Variants in COL26A1 observed in about 807,000 individuals in gnomAD.
COL26A1 encodes collagen alpha-1(XXVI) chain.
Under a neutral mutation model 59.3 loss-of-function variants are expected in COL26A1, and 41 were observed. The ratio of observed to expected loss-of-function variants is 0.69; its 90% CI spans 0.54 to 0.90. The LOEUF (loss-of-function observed/expected upper bound fraction) is 0.90. COL26A1 is among the 40% of genes least tolerant of loss of function. COL26A1 has a pLI of 0.00. For missense variants in COL26A1, 612 were observed against 602.3 expected (o/e 1.02, Z -0.17); for synonymous variants, 266 against 256.0 (o/e 1.04, Z -0.37).
chr7:101,402,572 TTTCC>T, intron 1 of COL26A1, among the ~76,000 whole-genome samples: 1 of 151,166 alleles, frequency 6.6e-6, no homozygotes, highest in African/African-American at 2.4e-5. Context: ...TCTTTCTTTC[TTTCC>T]TTCATTCTTT....
At chr7:101,501,638 G>A (rs1381631354) in intron 3 of COL26A1, among the ~76,000 whole-genome samples, 2 of 152,248 alleles carry the variant, frequency 1.3e-5, no homozygotes, top group East Asian at 1.9e-4. Flanking sequence ...TATCCTTTGC[G>A]CTGTGTCACA....
At chr7:101,456,758 C>T (rs1423763912) in intron 3 of COL26A1, among the ~76,000 whole-genome samples, 2 of 152,154 alleles carry the variant, frequency 1.3e-5, no homozygotes, top group East Asian at 1.9e-4. Context: ...TCAATCTATC[C>T]TCCTGCCTCG....
chr7:101,400,306 T>C (rs1253434810), intron 1 of COL26A1, among the ~76,000 whole-genome samples: 1 of 151,662 alleles, frequency 6.6e-6, no homozygotes, highest in Non-Finnish European at 1.5e-5. Context: ...TGGAGTGGGC[T>C]TTGTCCCTTC....
intron 1 of COL26A1, among the ~76,000 whole-genome samples, chr7:101,384,419 G>A (rs1188582187): frequency 1.3e-5 from 2 of 151,662 alleles, no homozygotes; most frequent in Non-Finnish European, 2.9e-5. Context: ...GTAGAGATGG[G>A]GTTTCACCAT....
At chr7:101,521,300 C>G (rs1382295188) in intron 3 of COL26A1, among the ~76,000 whole-genome samples, 2 of 152,198 alleles carry the variant, frequency 1.3e-5, no homozygotes, top group Non-Finnish European at 2.9e-5. Flanking sequence ...GGTGGGGACA[C>G]AGAGCCAAAC....
At position 101,495,240 on chromosome 7, in the gene COL26A1, G is replaced by A. The variant is rs577573057; in HGVS notation, c.386-37842G>A. On this transcript the variant is annotated intron_variant, in intron 3 of 12. Transcript: ENST00000313669. ...TCTGCCTGAGGCAGCCAGGATGTCC[G>A]GCAGAACAGGTGCTGGAGACCCTGG... Among the ~76,000 whole-genome samples, 6 of 152,252 alleles carry A rather than the reference G, an allele frequency of 3.9e-5. No homozygotes were observed. In the East Asian group the frequency reaches 9.7e-4, roughly 25 times the overall value.
chr7:101,392,592 G>T (rs956853503), intron 1 of COL26A1, among the ~76,000 whole-genome samples: 2 of 151,706 alleles, frequency 1.3e-5, no homozygotes, highest in Non-Finnish European at 2.9e-5. Context: ...AGTAGAGATG[G>T]GGTTTCACCA....
At chr7:101,369,924 A>G (rs188183371) in intron 1 of COL26A1, among the ~76,000 whole-genome samples, 45 of 151,932 alleles carry the variant, frequency 3.0e-4, no homozygotes, top group African/African-American at 9.6e-4. Context: ...GTGCAATGGC[A>G]TGATCTCGGC....
chr7:101,532,798 C>A (rs534496831), intron 3 of COL26A1, among the ~76,000 whole-genome samples: 6 of 152,306 alleles, frequency 3.9e-5, no homozygotes, highest in East Asian at 1.9e-4. Flanking sequence ...TAGAAAAAGA[C>A]CCCTGCCTTC....
chr7:101,540,091 G>A (rs1795580912), intron 5 of COL26A1, 42 bp downstream of exon 5: 1 of 1,566,902 alleles, frequency 6.4e-7, no homozygotes, highest in African/African-American at 1.4e-5. Context: ...GGCAGCCGAA[G>A]GGACCTTGGG....
At chr7:101,549,618 G>A (rs1478411678) in intron 9 of COL26A1, among the ~76,000 whole-genome samples, 2 of 152,168 alleles carry the variant, frequency 1.3e-5, no homozygotes, top group South Asian at 2.1e-4. Flanking sequence ...CCGACCTCAA[G>A]TAATCCATCC....
intron 1 of COL26A1, among the ~76,000 whole-genome samples, chr7:101,407,888 AATT>A (rs1389798243): frequency 3.3e-5 from 5 of 152,160 alleles, no homozygotes; most frequent in African/African-American, 1.2e-4. Context: ...GTTATACAGA[AATT>A]ATGAATAACC....
At chr7:101,412,981 A>G (rs1792277792) in intron 1 of COL26A1, among the ~76,000 whole-genome samples, 1 of 152,196 alleles carries the variant, frequency 6.6e-6, no homozygotes, top group Non-Finnish European at 1.5e-5. Context: ...ACATTCCGAG[A>G]TGGGCATGAA....
chr7:101,506,063 TCTC>T (rs1353036999), intron 3 of COL26A1, among the ~76,000 whole-genome samples: 3 of 152,154 alleles, frequency 2.0e-5, no homozygotes, highest in Non-Finnish European at 4.4e-5. Flanking sequence ...GCCCTTGAAT[TCTC>T]CTTCTGTCCT....
chr7:101,474,531 G>A (rs567507244), intron 3 of COL26A1, among the ~76,000 whole-genome samples: 2 of 152,230 alleles, frequency 1.3e-5, no homozygotes, highest in South Asian at 4.1e-4. Context: ...GTTTGAAGCT[G>A]CATTGAGCTA....
intron 2 of COL26A1, among the ~76,000 whole-genome samples, chr7:101,423,198 A>G (rs1474489436): frequency 2.0e-5 from 3 of 151,992 alleles, no homozygotes; most frequent in East Asian, 1.9e-4. Context: ...CCTGGGAGGC[A>G]GAGGTTGTAG....
At chr7:101,546,295 C>T (rs1584504229) in intron 7 of COL26A1, among the ~76,000 whole-genome samples, 2 of 151,964 alleles carry the variant, frequency 1.3e-5, no homozygotes, top group Admixed American at 1.3e-4. Context: ...AATGCAGTGG[C>T]GCCATCATAG....
intron 1 of COL26A1, among the ~76,000 whole-genome samples, chr7:101,363,997 C>T (rs1374177493): frequency 6.6e-6 from 1 of 152,108 alleles, no homozygotes; most frequent in East Asian, 1.9e-4. Flanking sequence ...CCAGCCACCC[C>T]GGGACGTGGA....
chr7:101,474,208 G>A (rs2130472007), intron 3 of COL26A1, among the ~76,000 whole-genome samples: 1 of 152,334 alleles, frequency 6.6e-6, no homozygotes, highest in East Asian at 1.9e-4. Context: ...AGGCCACATA[G>A]ATAGTAAGTG....
Sources: gnomAD v4.1 joint callset for allele counts (sites outside exome capture counted in the v4.1 genomes callset) on GRCh38, gnomAD v4.1.1 for gene constraint, MANE v1.5 for transcripts, NCBI Gene and HGNC (gene_info 2026-07-23, HGNC 2026-07-21) for gene names.